SAMTOR: variants seen among roughly 807,000 people sequenced by gnomAD.
SAMTOR encodes the protein S-adenosylmethionine sensor upstream of mTORC1.
the SAMTOR span, among the ~76,000 whole-genome samples, chr7:112,909,495 A>G: frequency 3.7e-4 from 56 of 152,218 alleles, 1 homozygote; most frequent in Admixed American, 2.9e-3. Context: ...AATCAACTGT[A>G]TAGCAAATTG....
chr7:112,893,965 C>A, the SAMTOR span, among the ~76,000 whole-genome samples: 2 of 152,214 alleles, frequency 1.3e-5, no homozygotes, highest in African/African-American at 4.8e-5. Flanking sequence ...TCAGTTAATT[C>A]TTTGGTAGAA....
At chr7:112,877,225 C>T in the SAMTOR span, among the ~76,000 whole-genome samples, 3 of 152,170 alleles carry the variant, frequency 2.0e-5, no homozygotes, top group African/African-American at 7.2e-5. Flanking sequence ...AAGTTATCCA[C>T]AAGGCAGATG....
the SAMTOR span, among the ~76,000 whole-genome samples, chr7:112,858,435 A>C: frequency 6.6e-6 from 1 of 152,016 alleles, no homozygotes; most frequent in Non-Finnish European, 1.5e-5. Context: ...AAAACATATA[A>C]GAAAATAGAA....
chr7:112,857,671 A>G, the SAMTOR span, among the ~76,000 whole-genome samples: 1 of 152,240 alleles, frequency 6.6e-6, no homozygotes, highest in Admixed American at 6.5e-5. Flanking sequence ...AGAAGAATTT[A>G]GAAGAAAAGG....
chr7:112,838,844 G>A, the SAMTOR span, among the ~76,000 whole-genome samples: 1 of 151,804 alleles, frequency 6.6e-6, no homozygotes, highest in African/African-American at 2.4e-5. Context: ...GTCTTGAAGA[G>A]CTGAGCAAAT....
chr7:112,896,742 A>G, the SAMTOR span, among the ~76,000 whole-genome samples: 1 of 152,196 alleles, frequency 6.6e-6, no homozygotes, highest in South Asian at 2.1e-4. Context: ...ACAATAAAAA[A>G]CATGATTGAT....
chr7:112,866,633 CAAG>C, the SAMTOR span, among the ~76,000 whole-genome samples: 1 of 152,144 alleles, frequency 6.6e-6, no homozygotes, highest in South Asian at 2.1e-4. Flanking sequence ...GGGTGCAACC[CAAG>C]AAGAGGGCTC....
chr7:112,821,611 T>C, the SAMTOR span: 39 of 828,630 alleles, frequency 4.7e-5, no homozygotes, highest in Middle Eastern at 1.2e-3. Context: ...TAGAAAAAAA[T>C]AGCAAACTCT....
chr7:112,888,492 G>A, the SAMTOR span, among the ~76,000 whole-genome samples: 1 of 152,054 alleles, frequency 6.6e-6, no homozygotes, highest in East Asian at 1.9e-4. Flanking sequence ...TAGGGAAATG[G>A]GTAATTGGGG....
the SAMTOR span, among the ~76,000 whole-genome samples, chr7:112,900,370 A>G: frequency 1.3e-5 from 2 of 152,244 alleles, no homozygotes; most frequent in Admixed American, 6.5e-5. Flanking sequence ...TCAATGGTGT[A>G]GGTTCCAGCT....
the SAMTOR span, among the ~76,000 whole-genome samples, chr7:112,931,939 T>C: frequency 6.6e-6 from 1 of 151,992 alleles, no homozygotes; most frequent in Non-Finnish European, 1.5e-5. Context: ...TTTTTTTCTT[T>C]TTTCGGGATG....
chr7:112,896,713 C>T, the SAMTOR span, among the ~76,000 whole-genome samples: 2 of 151,992 alleles, frequency 1.3e-5, no homozygotes, highest in Admixed American at 6.6e-5. Context: ...GTAAAGGACA[C>T]AAATAATTAC....
chr7:112,912,413 T>C, the SAMTOR span, among the ~76,000 whole-genome samples: 1 of 152,082 alleles, frequency 6.6e-6, no homozygotes, highest in Non-Finnish European at 1.5e-5. Context: ...GGCAGGATAA[T>C]GTCAGTAAGG....
the SAMTOR span, among the ~76,000 whole-genome samples, chr7:112,839,085 C>A: frequency 1.3e-5 from 2 of 151,912 alleles, no homozygotes; most frequent in Middle Eastern, 6.8e-3. Context: ...AGGGTTGAAG[C>A]AGAGAAAGTA....
the SAMTOR span, among the ~76,000 whole-genome samples, chr7:112,832,144 T>TGGGATTATG: frequency 6.6e-6 from 1 of 152,044 alleles, no homozygotes; most frequent in Admixed American, 6.5e-5. Context: ...CCTGAGTAGC[T>TGGGATTATG]GGGATTATGG....
At chr7:112,931,944 G>A in the SAMTOR span, among the ~76,000 whole-genome samples, 1 of 145,090 alleles carries the variant, frequency 6.9e-6, no homozygotes. Flanking sequence ...TTCTTTTTTC[G>A]GGATGGAGTC....
the SAMTOR span, among the ~76,000 whole-genome samples, chr7:112,935,007 T>C: frequency 3.3e-5 from 5 of 152,202 alleles, no homozygotes; most frequent in African/African-American, 1.2e-4. Flanking sequence ...TTTTCATTAT[T>C]TTTCTTCTGT....
At chr7:112,874,452 G>C in the SAMTOR span, among the ~76,000 whole-genome samples, 2 of 152,058 alleles carry the variant, frequency 1.3e-5, no homozygotes, top group Non-Finnish European at 2.9e-5. Context: ...GGGTACATAG[G>C]GACATAAAGA....
the SAMTOR span, among the ~76,000 whole-genome samples, chr7:112,902,451 A>AAAAAAAAAAAAAAAAAAG: frequency 7.0e-6 from 1 of 142,574 alleles, no homozygotes; most frequent in Non-Finnish European, 1.5e-5. Flanking sequence ...AAAAAAAACA[A>AAAAAAAAAAAAAAAAAAG]AAAAAAAAAC....
Sources: gnomAD v4.1 joint callset for allele counts (sites outside exome capture counted in the v4.1 genomes callset) on GRCh38, gnomAD v4.1.1 for gene constraint, MANE v1.5 for transcripts, NCBI Gene and HGNC (gene_info 2026-07-23, HGNC 2026-07-21) for gene names.